Variants in SYN3 observed in about 807,000 individuals in gnomAD.
SYN3 encodes synapsin-3.
SYN3 carries 35 observed loss-of-function variants against 65.8 expected under a neutral mutation model. The ratio of observed to expected loss-of-function variants is 0.53; its 90% CI spans 0.41 to 0.70. The LOEUF is 0.70. Ranked by LOEUF, SYN3 falls within the 30% of genes least tolerant of loss-of-function variation. The pLI is 0.00. For synonymous variants in SYN3, 270 were observed against 292.9 expected (o/e 0.92, Z 0.80); for missense variants, 680 against 749.0 (o/e 0.91, Z 1.08).
At chr22:32,573,958 A>G (rs1415848670) in intron 7 of SYN3, among the ~76,000 whole-genome samples, 1 of 143,008 alleles carries the variant, frequency 7.0e-6, no homozygotes, top group African/African-American at 2.6e-5. Flanking sequence ...TTTTTATTTT[A>G]GTAGAGACGG....
chr22:32,658,445 C>T (rs1345010113), intron 6 of SYN3, among the ~76,000 whole-genome samples: 6 of 152,202 alleles, frequency 3.9e-5, no homozygotes, highest in African/African-American at 9.7e-5. Flanking sequence ...CTTGGGTCAG[C>T]GAGGGACATG....
intron 7 of SYN3, among the ~76,000 whole-genome samples, chr22:32,595,371 C>T (rs1450379692): frequency 6.6e-6 from 1 of 152,186 alleles, no homozygotes; most frequent in East Asian, 1.9e-4. Context: ...TTCATTTGAA[C>T]TCCTGGATCC....
At chr22:32,682,724 G>C (rs373791453) in intron 6 of SYN3, among the ~76,000 whole-genome samples, 1 of 149,446 alleles carries the variant, frequency 6.7e-6, no homozygotes, top group African/African-American at 2.5e-5. Context: ...ATTGCACAGC[G>C]TTTGACGAAT....
At chr22:32,748,525 TC>T (rs1285594339) in intron 6 of SYN3, among the ~76,000 whole-genome samples, 1 of 152,188 alleles carries the variant, frequency 6.6e-6, no homozygotes, top group African/African-American at 2.4e-5. Context: ...AAGTTGATCT[TC>T]CCCTCTTCCT....
chr22:32,953,519 T>C (rs555712492), intron 3 of SYN3, among the ~76,000 whole-genome samples: 112 of 149,196 alleles, frequency 7.5e-4, no homozygotes, highest in African/African-American at 2.7e-3. Flanking sequence ...GCAAAACCTA[T>C]TAATAAGGGG....
At chr22:32,949,846 G>T (rs974565101) in intron 3 of SYN3, among the ~76,000 whole-genome samples, 2 of 152,172 alleles carry the variant, frequency 1.3e-5, no homozygotes, top group South Asian at 2.1e-4. Context: ...AGACATGGAC[G>T]TGGATGACTG....
chr22:32,764,595 G>A (rs2045575431), intron 6 of SYN3, among the ~76,000 whole-genome samples: 1 of 152,168 alleles, frequency 6.6e-6, no homozygotes, highest in African/African-American at 2.4e-5. Context: ...TCTTGGCTGG[G>A]GTTCCAGTGT....
chr22:32,749,571 G>T (rs1465444860), intron 6 of SYN3, among the ~76,000 whole-genome samples: 1 of 152,056 alleles, frequency 6.6e-6, no homozygotes, highest in African/African-American at 2.4e-5. Context: ...AACCTGGGTG[G>T]CAGGGGTTGC....
rs1322721417 is a variant in SYN3 at position 32,507,872 on chromosome 22, A to G, written c.*5820T>C. Among the ~76,000 whole-genome samples, 1 of 151,808 alleles carries G rather than the reference A, an allele frequency of 6.6e-6. No homozygotes were observed. On this transcript the variant is annotated 3_prime_UTR_variant, in exon 14 of 14. Coordinates refer to ENST00000358763, the MANE Select transcript of SYN3 (RefSeq NM_003490.4). The stretch of plus-strand genomic sequence containing the variant: ...AAATGTTTCTTCTAACATCCCCACA[A>G]TATCACCCCTTACCACGAGACCTCC...
chr22:32,567,855 T>G (rs1270718003), intron 7 of SYN3, among the ~76,000 whole-genome samples: 1 of 151,732 alleles, frequency 6.6e-6, no homozygotes, highest in Non-Finnish European at 1.5e-5. Flanking sequence ...GAAGAGGAGG[T>G]TTATTGAACT....
intron 1 of SYN3, among the ~76,000 whole-genome samples, chr22:33,027,597 A>G (rs1467198875): frequency 6.6e-6 from 1 of 150,628 alleles, no homozygotes; most frequent in African/African-American, 2.5e-5. Context: ...ACTCTGAAAA[A>G]AGAAAGAAAG....
In SYN3 at chr22:33,021,564, T is replaced by G. The variant is rs193135820; in HGVS notation, c.-162-14740A>C. ...AGAAGATGAATTCCAGTGATTGAAC[T>G]TCCTGTGCATTAGTTGCCTTTGCAC... On this transcript the variant is annotated intron_variant, in intron 1 of 13. Transcript: ENST00000358763. Among the ~76,000 whole-genome samples the G allele has an allele frequency of 3.9e-5, 6 of 152,316 alleles. No individual in the cohort carries two copies. In the East Asian group the frequency reaches 1.2e-3, roughly 29 times the overall value.
At chr22:32,893,003 T>C (rs1368847775) in intron 4 of SYN3, among the ~76,000 whole-genome samples, 1 of 152,278 alleles carries the variant, frequency 6.6e-6, no homozygotes, top group South Asian at 2.1e-4. Flanking sequence ...AGAATTCTGA[T>C]AGTCTGGAAT....
chr22:32,745,759 T>C (rs929770200), intron 6 of SYN3, among the ~76,000 whole-genome samples: 2 of 150,882 alleles, frequency 1.3e-5, no homozygotes, highest in Non-Finnish European at 3.0e-5. Context: ...GGGGAGAGAA[T>C]AAGAGGCAGA....
At chr22:32,820,353 CGTGTGT>C (rs35230068) in intron 6 of SYN3, among the ~76,000 whole-genome samples, 24 of 141,782 alleles carry the variant, frequency 1.7e-4, no homozygotes, top group African/African-American at 5.0e-4. Context: ...CATTCCACTG[CGTGTGT>C]GTGTGTGTGT....
intron 2 of SYN3, among the ~76,000 whole-genome samples, chr22:32,989,112 C>G (rs2052619862): frequency 6.6e-6 from 1 of 152,192 alleles, no homozygotes; most frequent in Non-Finnish European, 1.5e-5. Context: ...ATTTGATCTC[C>G]CCAGGTAAGG....
At chr22:32,668,107 T>G (rs1489397672) in intron 6 of SYN3, among the ~76,000 whole-genome samples, 1 of 152,206 alleles carries the variant, frequency 6.6e-6, no homozygotes, top group Non-Finnish European at 1.5e-5. Context: ...TTCTTTACTT[T>G]ATGCTCCTTC....
chr22:32,763,357 T>G (rs1418736000), intron 6 of SYN3, among the ~76,000 whole-genome samples: 1 of 151,762 alleles, frequency 6.6e-6, no homozygotes, highest in Non-Finnish European at 1.5e-5. Context: ...TTTACCATGT[T>G]AGCCAGGATG....
intron 6 of SYN3, among the ~76,000 whole-genome samples, chr22:32,847,299 A>G (rs2146230963): frequency 6.6e-6 from 1 of 152,322 alleles, no homozygotes; most frequent in Non-Finnish European, 1.5e-5. Flanking sequence ...TACTACCGCA[A>G]TGTTAGAAAC....
Sources: gnomAD v4.1 joint callset for allele counts (sites outside exome capture counted in the v4.1 genomes callset) on GRCh38, gnomAD v4.1.1 for gene constraint, MANE v1.5 for transcripts, NCBI Gene and HGNC (gene_info 2026-07-23, HGNC 2026-07-21) for gene names.